METTL16: variants seen among roughly 807,000 people sequenced by gnomAD.
METTL16 encodes RNA N(6)-adenosine-methyltransferase METTL16.
In METTL16, 19 loss-of-function variants were observed where a neutral mutation model predicts 57.9. The observed-to-expected ratio is 0.33, with a 90% CI of 0.23 to 0.48. The LOEUF is 0.48. Among genes scored for constraint, METTL16 ranks in the 20% least tolerant of loss-of-function variants. METTL16 has a pLI of 0.99. For synonymous variants in METTL16, 246 were observed against 255.6 expected (o/e 0.96, Z 0.36); for missense variants, 434 against 691.5 (o/e 0.63, Z 4.18).
chr17:2,441,680 G>GA (rs1272618351), intron 6 of METTL16, 121 bp from the exon 7 acceptor site: 11 of 509,524 alleles, frequency 2.2e-5, no homozygotes, highest in African/African-American at 1.8e-4. Context: ...GGTCACAAGT[G>GA]AAAAATATCA....
At chr17:2,466,672 C>T (rs1389795254) in intron 5 of METTL16, among the ~76,000 whole-genome samples, 1 of 152,178 alleles carries the variant, frequency 6.6e-6, no homozygotes, top group Non-Finnish European at 1.5e-5. Flanking sequence ...CACCTGCCCA[C>T]ATCATCTGGT....
chr17:2,420,713 A>G lies in METTL16; in HGVS notation c.1062+18T>C, dbSNP rs2066758797. 1.9e-6 allele frequency: 3 copies of G among 1,595,820 alleles called. No homozygotes were observed. The highest frequency in any genetic ancestry group is 3.3e-4 in the Middle Eastern group (2 of 5,992). On this transcript the variant is annotated intron_variant, in intron 9 of 9. Coordinates refer to ENST00000263092, the MANE Select transcript of METTL16 (RefSeq NM_024086.4). This position sits in a 1 kb window ranked among gnomAD's most constrained non-coding sequence, Gnocchi z 5.4. ...AAGGATCATTATGAGTACTTCGTCAATATGGTTAAGCAGGTACCTTCAAAT... is the reference window on the plus strand; with the variant it reads ...AAGGATCATTATGAGTACTTCGTCAGTATGGTTAAGCAGGTACCTTCAAAT...
chr17:2,440,970 CAAAAAAAAAAAAA>C (rs760521188), intron 7 of METTL16, among the ~76,000 whole-genome samples: 2 of 34,054 alleles, frequency 5.9e-5, no homozygotes, highest in Non-Finnish European at 7.7e-5. Flanking sequence ...GACTTGATCT[CAAAAAAAAAAAAA>C]AAAAAAAAAA....
chr17:2,447,485 T>A (rs2067011343), intron 6 of METTL16, among the ~76,000 whole-genome samples: 1 of 130,614 alleles, frequency 7.7e-6, no homozygotes, highest in Non-Finnish European at 1.6e-5. Context: ...AGCCGCCCCG[T>A]CCGGGAGGTG....
At chr17:2,432,889 C>A (rs2066883461) in intron 8 of METTL16, among the ~76,000 whole-genome samples, 1 of 152,188 alleles carries the variant, frequency 6.6e-6, no homozygotes, top group Admixed American at 6.5e-5. Context: ...TATTCTTCCC[C>A]ATTTTACAGA....
At chr17:2,503,501 C>A (rs1408707134) in intron 1 of METTL16, among the ~76,000 whole-genome samples, 6 of 151,494 alleles carry the variant, frequency 4.0e-5, no homozygotes, top group African/African-American at 1.5e-4. Flanking sequence ...TATATCCATA[C>A]ACTAAATATG....
chr17:2,467,901 A>T, intron 4 of METTL16, 25 bp from the exon 5 acceptor site: 1 of 1,492,962 alleles, frequency 6.7e-7, no homozygotes, highest in Non-Finnish European at 9.3e-7. Flanking sequence ...AGGACTGTGA[A>T]CTAATATTAA....
chr17:2,507,018 C>A (rs1340601572), intron 1 of METTL16, among the ~76,000 whole-genome samples: 1 of 151,018 alleles, frequency 6.6e-6, no homozygotes. Flanking sequence ...GGCAGCCACC[C>A]CGTCTGGGAA....
chr17:2,417,563 C>T lies in METTL16; in HGVS notation c.*2407G>A, dbSNP rs145555412. On this transcript the variant is annotated 3_prime_UTR_variant, in exon 10 of 10. Coordinates refer to ENST00000263092, the MANE Select transcript of METTL16 (RefSeq NM_024086.4). ...TGCTGTGCCTGAAAGACATTTTGAA[C>T]AGGCAAGGAGTGTAAGCTAATACAC... 17 of 152,306 alleles carry T rather than the reference C, an allele frequency of 1.1e-4. No individual in the cohort carries two copies. In the East Asian group the frequency reaches 2.9e-3, roughly 26 times the overall value. The allele number at this position is 152,306 out of a possible 1,614,324, so 9.4% of individuals were successfully genotyped here.
At chr17:2,510,120 G>A (rs1266451363) in intron 1 of METTL16, among the ~76,000 whole-genome samples, 3 of 151,904 alleles carry the variant, frequency 2.0e-5, no homozygotes, top group Non-Finnish European at 4.4e-5. Context: ...ATTCTGGCAA[G>A]CAACAAAAAA....
intron 2 of METTL16, among the ~76,000 whole-genome samples, chr17:2,487,567 G>T (rs780025655): frequency 1.3e-5 from 2 of 152,202 alleles, no homozygotes; most frequent in Non-Finnish European, 2.9e-5. Flanking sequence ...ATCCATGAAG[G>T]ATAAACCAAC....
chr17:2,507,272 A>G (rs1235647600), intron 1 of METTL16, among the ~76,000 whole-genome samples: 5 of 130,496 alleles, frequency 3.8e-5, no homozygotes, highest in African/African-American at 1.5e-4. Flanking sequence ...GGCCGCCTCT[A>G]CTGGGAAGAG....
intron 1 of METTL16, among the ~76,000 whole-genome samples, chr17:2,506,699 AGCC>A: frequency 6.6e-6 from 1 of 152,120 alleles, no homozygotes; most frequent in Non-Finnish European, 1.5e-5. Flanking sequence ...GCCTCTGCCC[AGCC>A]GCCACCCCGT....
Position 2,502,277 on chromosome 17 carries a change from CAGG to C in METTL16, c.52_54del (p.Pro18del). 1 of 1,613,914 alleles carries C rather than the reference CAGG, an allele frequency of 6.2e-7. No homozygotes were observed. Among genetic ancestry groups the C allele is most frequent in the Non-Finnish European group, 8.5e-7 (1 of 1,179,906 alleles). On this transcript the variant is annotated inframe_deletion, in exon 2 of 10. Coordinates refer to ENST00000263092, the MANE Select transcript of METTL16 (RefSeq NM_024086.4). ...TATTTGGATGCCAGATATGCAAAGTCAGGAGGTTTGTCCTTGTATCTATTTCTT... is the reference window on the plus strand; with the variant it reads ...TATTTGGATGCCAGATATGCAAAGTCAGGTTTGTCCTTGTATCTATTTCTT...
chr17:2,476,782 C>T (rs781182115), intron 3 of METTL16, among the ~76,000 whole-genome samples: 3 of 151,412 alleles, frequency 2.0e-5, no homozygotes, highest in African/African-American at 4.9e-5. Flanking sequence ...ATGGTGAAAT[C>T]CCACCTCTAC....
At chr17:2,465,214 A>G (rs2067182893) in intron 5 of METTL16, among the ~76,000 whole-genome samples, 1 of 152,128 alleles carries the variant, frequency 6.6e-6, no homozygotes, top group Non-Finnish European at 1.5e-5. Context: ...CCACAGTGAG[A>G]TACCACTTTT....
At chr17:2,486,109 A>G (rs532109035) in intron 2 of METTL16, among the ~76,000 whole-genome samples, 28 of 152,350 alleles carry the variant, frequency 1.8e-4, no homozygotes, top group Admixed American at 4.6e-4. Flanking sequence ...CCTCAAATGC[A>G]GAGAGCAAAG....
rs2066756374 is a variant in METTL16 at position 2,420,433 on chromosome 17, T to C, written c.1226A>G (p.Lys409Arg). 4 of 1,614,134 alleles carry C rather than the reference T, an allele frequency of 2.5e-6. No homozygotes were observed. Among genetic ancestry groups the C allele is most frequent in the Non-Finnish European group, 3.4e-6 (4 of 1,180,038 alleles). The part of the protein sequence containing the change: ...PEDVIQALEE[K>R]KPTPKESGNS... ...GCCAGACTCTTTGGGGGTGGGCTTT[T>C]TCTCTTCCAAGGCCTGAATGACGTC... Residue 409 changes from lysine (K) to arginine (R), a missense_variant, in exon 10 of 10, where the codon AAA becomes AGA. This residue lies in a region of METTL16 where 168 missense variants were observed against 149.6 expected (regional missense o/e 1.12). Coordinates refer to ENST00000263092, the MANE Select transcript of METTL16 (RefSeq NM_024086.4). The surrounding 1 kb of genome is among the most constrained non-coding windows in gnomAD (Gnocchi z 5.4).
chr17:2,461,575 T>C (rs1185763049), intron 6 of METTL16, among the ~76,000 whole-genome samples: 6 of 146,360 alleles, frequency 4.1e-5, no homozygotes, highest in Non-Finnish European at 9.0e-5. Flanking sequence ...TGTTCTCCTG[T>C]CTTTTTTTTT....
Sources: gnomAD v4.1 joint callset for allele counts (sites outside exome capture counted in the v4.1 genomes callset) on GRCh38, gnomAD v4.1.1 for gene constraint, gnomAD v4.1.1 regional missense constraint, Gnocchi (gnomAD v3.1) non-coding constraint, MANE v1.5 for transcripts, NCBI Gene and HGNC (gene_info 2026-07-23, HGNC 2026-07-21) for gene names.